The following DECR1 variants were observed in gnomAD, a reference collection of about 807,000 sequenced individuals.
The protein encoded by DECR1 is 2,4-dienoyl-CoA reductase 1.
In DECR1, 44 loss-of-function variants were observed where a neutral mutation model predicts 38.8. That is an observed-to-expected ratio of 1.13 (90% CI 0.89 to 1.46). DECR1 has a LOEUF of 1.46. Ranked by LOEUF, DECR1 falls within the 40% of genes most tolerant of loss-of-function variation. The pLI, the probability that DECR1 is intolerant of heterozygous loss-of-function variation, is 0.00. For synonymous variants in DECR1, 148 were observed against 135.2 expected, an observed-to-expected ratio of 1.09 and a Z score of -0.66; for missense variants, 428 against 405.5, an observed-to-expected ratio of 1.06 and a Z score of -0.48.
chr8:90,026,638 C>T (rs1214952331), intron 5 of DECR1, among the ~76,000 whole-genome samples: 6 of 151,996 alleles, frequency 3.9e-5, no homozygotes, highest in African/African-American at 1.2e-4. Context: ...CTCTTGCTGG[C>T]AGTCTATCAA....
chr8:90,025,180 G>T (rs949410435), intron 5 of DECR1, among the ~76,000 whole-genome samples: 1 of 152,128 alleles, frequency 6.6e-6, no homozygotes, highest in African/African-American at 2.4e-5. Context: ...TGTTCTTTTG[G>T]CTTAGGATTG....
intron 7 of DECR1, among the ~76,000 whole-genome samples, chr8:90,043,566 TG>T (rs1352517282): frequency 6.6e-6 from 1 of 152,228 alleles, no homozygotes; most frequent in East Asian, 1.9e-4. Context: ...TTTGGTAACT[TG>T]TTTCAGTTGT....
chr8:90,041,814 A>G (rs1039234326), intron 6 of DECR1, among the ~76,000 whole-genome samples: 3 of 152,060 alleles, frequency 2.0e-5, no homozygotes, highest in African/African-American at 7.2e-5. Context: ...TGGCTCCGTT[A>G]TATTTCGTTA....
At chr8:90,005,513 G>T in intron 1 of DECR1, 2 of 447,790 alleles carry the variant, frequency 4.5e-6, no homozygotes, top group Non-Finnish European at 9.0e-6. Flanking sequence ...GAGGAAGCTG[G>T]GCCTATCAGC....
intron 5 of DECR1, among the ~76,000 whole-genome samples, chr8:90,031,208 C>A (rs1415703442): frequency 1.3e-5 from 2 of 152,040 alleles, no homozygotes; most frequent in Admixed American, 1.3e-4. Context: ...GATAATAAAG[C>A]CTTCCTCCTA....
At chr8:90,017,972 C>T (rs968833760) in intron 2 of DECR1, among the ~76,000 whole-genome samples, 28 of 152,144 alleles carry the variant, frequency 1.8e-4, no homozygotes, top group Non-Finnish European at 3.7e-4. Context: ...CTGCAACCTC[C>T]GCCTCCCGGG....
At chr8:90,051,174 TAA>T (rs200601445) in intron 8 of DECR1, among the ~76,000 whole-genome samples, 5 of 140,866 alleles carry the variant, frequency 3.5e-5, no homozygotes, top group Admixed American at 1.4e-4. Context: ...CAAGTATAAT[TAA>T]AAAAAAAAAA....
chr8:90,010,504 G>A (rs1372477978), intron 1 of DECR1, among the ~76,000 whole-genome samples: 1 of 152,234 alleles, frequency 6.6e-6, no homozygotes, highest in Non-Finnish European at 1.5e-5. Flanking sequence ...TTGGGAAGTA[G>A]TTATGGAAGG....
intron 1 of DECR1, chr8:90,005,830 G>C: frequency 3.3e-6 from 1 of 300,496 alleles, no homozygotes; most frequent in Non-Finnish European, 6.5e-6. Flanking sequence ...AAGGCTGCTT[G>C]CACTTGTGGC....
intron 1 of DECR1, chr8:90,005,444 C>G: frequency 2.2e-6 from 1 of 456,078 alleles, no homozygotes; most frequent in South Asian, 1.5e-5. Flanking sequence ...TCCGTTTTTT[C>G]CAGTCTGAAA....
intron 2 of DECR1, among the ~76,000 whole-genome samples, chr8:90,018,398 C>T (rs1341740952): frequency 6.6e-6 from 1 of 152,128 alleles, no homozygotes; most frequent in Non-Finnish European, 1.5e-5. Flanking sequence ...TTAGGTAAGC[C>T]AAGTAGTCAT....
intron 1 of DECR1, among the ~76,000 whole-genome samples, chr8:90,008,589 CA>C (rs1280832412): frequency 6.6e-6 from 1 of 151,968 alleles, no homozygotes; most frequent in Non-Finnish European, 1.5e-5. Context: ...ATGAAACAGG[CA>C]AAAATGTGAT....
At chr8:90,001,793 C>T (rs545506349) in intron 1 of DECR1, among the ~76,000 whole-genome samples, 10 of 151,450 alleles carry the variant, frequency 6.6e-5, no homozygotes, top group African/African-American at 2.4e-4. Context: ...TGTCCCGGGG[C>T]TCAAAGAGAG....
At chr8:90,035,854 G>C (rs1813606357) in intron 5 of DECR1, among the ~76,000 whole-genome samples, 1 of 152,080 alleles carries the variant, frequency 6.6e-6, no homozygotes, top group South Asian at 2.1e-4. Context: ...TCATTTTTAA[G>C]GGTCATTTTA....
chr8:90,051,304 A>C (rs1342262253), intron 8 of DECR1, among the ~76,000 whole-genome samples: 1 of 152,108 alleles, frequency 6.6e-6, no homozygotes, highest in Non-Finnish European at 1.5e-5. Context: ...ATAGAGATAA[A>C]GAGAGGGAGA....
chr8:90,049,581 T>C (rs1466776529), intron 8 of DECR1, among the ~76,000 whole-genome samples: 1 of 152,040 alleles, frequency 6.6e-6, no homozygotes, highest in Admixed American at 6.6e-5. Context: ...AGAATCAATG[T>C]GTGAAAATGG....
chr8:90,024,877 A>T (rs1312255994), intron 5 of DECR1, among the ~76,000 whole-genome samples: 1 of 152,234 alleles, frequency 6.6e-6, no homozygotes, highest in African/African-American at 2.4e-5. Context: ...TCTTTAATCC[A>T]TCATGAATAA....
chr8:90,018,650 A>G (rs920249136), intron 2 of DECR1: 1 of 348,950 alleles, frequency 2.9e-6, no homozygotes, highest in Non-Finnish European at 5.3e-6. Context: ...AACCTGGCTT[A>G]TCAAGGAAAT....
At chr8:90,041,392 T>C (rs1394761652) in intron 6 of DECR1, among the ~76,000 whole-genome samples, 1 of 152,176 alleles carries the variant, frequency 6.6e-6, no homozygotes, top group Non-Finnish European at 1.5e-5. Context: ...ATTTATCAGA[T>C]GGATAGATTG....
Sources: gnomAD v4.1 joint callset for allele counts (sites outside exome capture counted in the v4.1 genomes callset) on GRCh38, gnomAD v4.1.1 for gene constraint, MANE v1.5 for transcripts, NCBI Gene and HGNC (gene_info 2026-07-23, HGNC 2026-07-21) for gene names.